Variants in STK32B observed in about 807,000 individuals in gnomAD.
The protein encoded by STK32B is serine/threonine kinase 32B.
Under a neutral mutation model 52.6 loss-of-function variants are expected in STK32B, and 43 were observed. The observed-to-expected ratio is 0.82, with a 90% CI of 0.64 to 1.05. The LOEUF (loss-of-function observed/expected upper bound fraction) is 1.05, where lower values mean the gene tolerates loss of function less well. Ranked by LOEUF, STK32B falls within the 50% of genes least tolerant of loss-of-function variation. The pLI is 0.00. For synonymous variants in STK32B, 238 were observed against 204.3 expected (o/e 1.17, Z -1.41); for missense variants, 621 against 534.6 (o/e 1.16, Z -1.59).
intron 4 of STK32B, among the ~76,000 whole-genome samples, chr4:5,376,422 GC>G (rs202232310): frequency 0.011 from 1,711 of 150,098 alleles, 21 homozygotes; most frequent in South Asian, 0.059. Context: ...TCTCTCCCCT[GC>G]CCCCCTCTCT....
At chr4:5,106,060 T>C (rs960577940) in intron 1 of STK32B, among the ~76,000 whole-genome samples, 1 of 150,362 alleles carries the variant, frequency 6.7e-6, no homozygotes. Flanking sequence ...CCCAGCACTT[T>C]GGGAGGCCGA....
intron 4 of STK32B, among the ~76,000 whole-genome samples, chr4:5,391,069 C>T (rs1438919589): frequency 6.6e-6 from 1 of 151,072 alleles, no homozygotes; most frequent in Non-Finnish European, 1.5e-5. Context: ...CACCATTCTC[C>T]TGCCTTGGCC....
intron 4 of STK32B, among the ~76,000 whole-genome samples, chr4:5,355,647 ACCCTAG>A (rs1577387802): frequency 6.6e-6 from 1 of 151,936 alleles, no homozygotes; most frequent in Admixed American, 6.6e-5. Context: ...TGGCTTCCCC[ACCCTAG>A]ATGCCTGAAG....
chr4:5,110,055 A>G (rs1027729363), intron 1 of STK32B, among the ~76,000 whole-genome samples: 2 of 152,076 alleles, frequency 1.3e-5, no homozygotes, highest in Non-Finnish European at 2.9e-5. Flanking sequence ...AGGAGGTGAA[A>G]GAGCTCTATA....
At position 5,453,476 on chromosome 4, in the gene STK32B, G is replaced by A. The variant is rs921708613; in HGVS notation, c.667-3331G>A. Among the ~76,000 whole-genome samples the A allele has an allele frequency of 6.6e-6, 1 of 152,208 alleles. No individual in the cohort carries two copies. The highest frequency in any genetic ancestry group is 2.4e-5 in the African/African-American group (1 of 41,460). ...TTTCATCTCCCAGCCTCAGTTTCCT[G>A]ACGTTTGAAATGAGGGATGAAGTGC... is the stretch of plus-strand genomic sequence containing the variant. On this transcript the variant is annotated intron_variant, in intron 7 of 11. Coordinates refer to ENST00000282908, the MANE Select transcript of STK32B (RefSeq NM_018401.3). This position sits in a 1 kb window ranked among gnomAD's most constrained non-coding sequence, Gnocchi z 4.0.
intron 3 of STK32B, among the ~76,000 whole-genome samples, chr4:5,274,408 A>G (rs1560278565): frequency 1.3e-5 from 2 of 152,166 alleles, no homozygotes; most frequent in Non-Finnish European, 2.9e-5. Context: ...GGGACAGACC[A>G]TATTGAGATA....
chr4:5,473,245 G>A (rs1245289741), intron 11 of STK32B, among the ~76,000 whole-genome samples: 2 of 152,160 alleles, frequency 1.3e-5, no homozygotes, highest in Admixed American at 6.5e-5. Flanking sequence ...GATACTGCTG[G>A]GAGCAAGGCC....
intron 1 of STK32B, among the ~76,000 whole-genome samples, chr4:5,090,356 A>T (rs1713001278): frequency 7.0e-6 from 1 of 142,888 alleles, no homozygotes. Flanking sequence ...TTTACATTTA[A>T]GTCTTTAATC....
At chr4:5,107,610 A>G (rs1051665379) in intron 1 of STK32B, among the ~76,000 whole-genome samples, 2 of 152,230 alleles carry the variant, frequency 1.3e-5, no homozygotes, top group African/African-American at 4.8e-5. Context: ...GAATTACAAA[A>G]TGGTAACATT....
intron 3 of STK32B, among the ~76,000 whole-genome samples, chr4:5,259,093 ATCT>A (rs1432684238): frequency 6.6e-6 from 1 of 152,144 alleles, no homozygotes; most frequent in Non-Finnish European, 1.5e-5. Flanking sequence ...ACTCAACAAC[ATCT>A]TCTCAAGAAA....
rs951503517 is a variant in STK32B at position 5,106,741 on chromosome 4, T to G, written c.53-33164T>G. Among the ~76,000 whole-genome samples the G allele has an allele frequency of 1.3e-3, 195 of 152,338 alleles. 1 individual carries two copies. Among genetic ancestry groups the G allele is most frequent in the African/African-American group, 4.1e-3 (172 of 41,588 alleles). On this transcript the variant is annotated intron_variant, in intron 1 of 11. Coordinates refer to ENST00000282908, the MANE Select transcript of STK32B (RefSeq NM_018401.3). ...TCTATAATAGTTGTCTCTCTTTAAA[T>G]ATTGCTTTTCCATGCTATTTACTTG...
intron 3 of STK32B, among the ~76,000 whole-genome samples, chr4:5,323,616 CCT>C (rs1193908626): frequency 6.6e-6 from 1 of 152,208 alleles, no homozygotes; most frequent in Non-Finnish European, 1.5e-5. Flanking sequence ...AACCCTCTAC[CCT>C]CTGTCTTTTT....
At chr4:5,222,867 A>G (rs901735027) in intron 3 of STK32B, among the ~76,000 whole-genome samples, 1 of 152,230 alleles carries the variant, frequency 6.6e-6, no homozygotes, top group Non-Finnish European at 1.5e-5. Flanking sequence ...TGATCATTTG[A>G]TAAGAAGATT....
intron 4 of STK32B, among the ~76,000 whole-genome samples, chr4:5,359,622 A>AG (rs1268384132): frequency 6.6e-6 from 1 of 152,158 alleles, no homozygotes; most frequent in African/African-American, 2.4e-5. Context: ...GGGCCACAGG[A>AG]GGGGGTCTGT....
chr4:5,416,582 G>A (rs889374601), intron 5 of STK32B, among the ~76,000 whole-genome samples: 7 of 152,090 alleles, frequency 4.6e-5, no homozygotes, highest in African/African-American at 1.4e-4. Flanking sequence ...CTCCACATCA[G>A]TGTCTCCAAA....
upstream of STK32B, among the ~76,000 whole-genome samples, chr4:5,050,480 A>G (rs1231766962): frequency 6.6e-6 from 1 of 152,110 alleles, no homozygotes; most frequent in Non-Finnish European, 1.5e-5. Context: ...TTCTCCCAAG[A>G]AAAAGAAAGA....
intron 3 of STK32B, among the ~76,000 whole-genome samples, chr4:5,268,538 GGTGTGTGTGTGTGTGTGTGTGTGTGTGT>G (rs10593272): frequency 1.1e-4 from 15 of 140,194 alleles, no homozygotes; most frequent in African/African-American, 3.4e-4. Flanking sequence ...TGCTTGGTGT[GGTGTGTGTGTGTGTGTGTGTGTGTGTGT>G]GTGTGTGTGT....
At chr4:5,426,873 A>G (rs1206496369) in intron 6 of STK32B, 1 of 152,030 alleles carries the variant, frequency 6.6e-6, no homozygotes, top group African/African-American at 2.4e-5. Flanking sequence ...TCTTAAATTC[A>G]TTTTTATTTG....
At chr4:5,071,647 C>A (rs1307846423) in intron 1 of STK32B, among the ~76,000 whole-genome samples, 1 of 152,160 alleles carries the variant, frequency 6.6e-6, no homozygotes, top group Non-Finnish European at 1.5e-5. Context: ...TGCCATCAAT[C>A]TTCCTGGAGA....
Sources: gnomAD v4.1 joint callset for allele counts (sites outside exome capture counted in the v4.1 genomes callset) on GRCh38, gnomAD v4.1.1 for gene constraint, Gnocchi (gnomAD v3.1) non-coding constraint, MANE v1.5 for transcripts, NCBI Gene and HGNC (gene_info 2026-07-23, HGNC 2026-07-21) for gene names.